The following TMEM272 variants were observed in gnomAD, a reference collection of about 807,000 sequenced individuals.
TMEM272 encodes the protein transmembrane protein 272, also known as long intergenic non-protein coding RNA 282.
TMEM272 carries 8 observed loss-of-function variants against 3.7 expected under a neutral mutation model. The observed-to-expected ratio is 2.17, with a 90% CI of 1.27 to 3.91. TMEM272 has a LOEUF of 3.91. Ranked by LOEUF, TMEM272 falls within the 30% of genes most tolerant of loss-of-function variation. The pLI is 0.00. For missense variants in TMEM272, 166 were observed against 91.5 expected (o/e 1.81, Z -3.32); for synonymous variants, 63 against 39.8 (o/e 1.58, Z -2.20).
the TMEM272 span, among the ~76,000 whole-genome samples, chr13:51,920,264 G>A: frequency 6.6e-6 from 1 of 152,176 alleles, no homozygotes; most frequent in Non-Finnish European, 1.5e-5. Flanking sequence ...TTTTCCAGAT[G>A]AAGGGAACTA....
At chr13:51,899,778 T>C in the TMEM272 span, among the ~76,000 whole-genome samples, 5 of 152,246 alleles carry the variant, frequency 3.3e-5, no homozygotes, top group East Asian at 9.6e-4. Flanking sequence ...CGCATGGCAC[T>C]AGAAAAGGCT....
chr13:51,930,562 A>T, the TMEM272 span: 2 of 152,354 alleles, frequency 1.3e-5, no homozygotes, highest in African/African-American at 4.8e-5. Context: ...ACATCAAGGT[A>T]ATCTGCAAAG....
At chr13:51,926,318 C>T in the TMEM272 span, among the ~76,000 whole-genome samples, 1 of 152,162 alleles carries the variant, frequency 6.6e-6, no homozygotes, top group African/African-American at 2.4e-5. Flanking sequence ...CTTTTCTCTT[C>T]CTCACTCACT....
the TMEM272 span, among the ~76,000 whole-genome samples, chr13:51,881,982 T>A: frequency 6.6e-6 from 1 of 152,238 alleles, no homozygotes; most frequent in Non-Finnish European, 1.5e-5. Context: ...TAGCATTTAA[T>A]CTATTTTCTA....
intron 4 of TMEM272, 126 bp from the exon 5 acceptor site, chr13:51,817,239 T>C: frequency 1.7e-6 from 1 of 595,564 alleles, no homozygotes; most frequent in Non-Finnish European, 3.0e-6. Context: ...AGGAAGGTGT[T>C]ATGAAAAGTG....
chr13:51,816,803 C>A lies in TMEM272; in HGVS notation c.512G>T (p.Ser171Ile), dbSNP rs1416033505. Residue 171 changes from serine to isoleucine, a missense_variant, in exon 5 of 5, where the codon AGC becomes ATC. Physicochemically the swap from Ser to Ile is moderately radical, Grantham distance 142. Coordinates refer to ENST00000629372, the MANE Select transcript of TMEM272 (RefSeq NM_001351003.2). ...CCTGGAGCACAGGTAGACACAGCCG[C>A]TGCACAGCAGGAGCAAGACCAGCAC... ...HTVLVLLLLC[S>I]GCVYLCSRWR... 2.8e-6 allele frequency: 2 copies of A among 702,988 alleles called. No homozygotes were observed. Among genetic ancestry groups the A allele is most frequent in the Non-Finnish European group, 5.2e-6 (2 of 384,972 alleles). 43.5% of individuals were successfully genotyped at this position (702,988 alleles called of 1,614,324 possible).
chr13:51,858,984 G>A, the TMEM272 span, among the ~76,000 whole-genome samples: 5 of 152,170 alleles, frequency 3.3e-5, no homozygotes, highest in East Asian at 9.7e-4. Context: ...AAAGAAGAAC[G>A]GTTAAAAACC....
chr13:51,934,217 C>T, the TMEM272 span: 1 of 205,598 alleles, frequency 4.9e-6, no homozygotes, highest in Admixed American at 5.2e-5. Flanking sequence ...CTGACAAGCA[C>T]ACAGGAGAGA....
At chr13:51,908,205 A>C in the TMEM272 span, 2 of 703,586 alleles carry the variant, frequency 2.8e-6, no homozygotes, top group Non-Finnish European at 2.5e-6. Flanking sequence ...AGACAGCAAA[A>C]ATATTATCAG....
the TMEM272 span, among the ~76,000 whole-genome samples, chr13:51,896,278 A>G: frequency 2.0e-5 from 3 of 152,178 alleles, no homozygotes; most frequent in African/African-American, 4.8e-5. Context: ...AATATAAAAG[A>G]TTTTCAAAGC....
chr13:51,869,935 C>T, the TMEM272 span, among the ~76,000 whole-genome samples: 2 of 152,184 alleles, frequency 1.3e-5, no homozygotes, highest in Non-Finnish European at 2.9e-5. Flanking sequence ...GGTTCGGATC[C>T]TTCCGAGGTA....
At chr13:51,821,334 G>C (rs971458136) in intron 4 of TMEM272, among the ~76,000 whole-genome samples, 2 of 152,174 alleles carry the variant, frequency 1.3e-5, no homozygotes, top group African/African-American at 4.8e-5. Flanking sequence ...AGCTTCTCTT[G>C]GTAGGTGTAA....
chr13:51,874,152 G>A, the TMEM272 span, among the ~76,000 whole-genome samples: 2 of 152,220 alleles, frequency 1.3e-5, no homozygotes, highest in African/African-American at 2.4e-5. Context: ...ACAGTAGTGT[G>A]AGCCAGAGCC....
chr13:51,926,631 TTGTGGG>T, the TMEM272 span, among the ~76,000 whole-genome samples: 1,777 of 146,854 alleles, frequency 0.012, 16 homozygotes, highest in South Asian at 0.028. Context: ...TGGGGCGGGT[TTGTGGG>T]TGTGGGTGTG....
the TMEM272 span, among the ~76,000 whole-genome samples, chr13:51,887,459 G>A: frequency 6.6e-6 from 1 of 152,194 alleles, no homozygotes; most frequent in African/African-American, 2.4e-5. Flanking sequence ...AAAATAAAAG[G>A]AGATGATATT....
chr13:51,816,716 C>T lies in TMEM272; in HGVS notation c.*35G>A, dbSNP rs1344633086. ...GTGTGCACGCGCGTGCATGCACACG[C>T]ATATGCATACATGGTATGCTGGACA... On this transcript the variant is annotated 3_prime_UTR_variant, in exon 5 of 5. Coordinates refer to ENST00000629372, the MANE Select transcript of TMEM272 (RefSeq NM_001351003.2). 1 of 675,840 alleles carries T rather than the reference C, an allele frequency of 1.5e-6. No individual in the cohort carries two copies. The highest frequency in any genetic ancestry group is 2.7e-4 in the Middle Eastern group (1 of 3,678). The allele number at this position is 675,840 out of a possible 1,614,324, so 41.9% of individuals were successfully genotyped here. A position where few individuals can be genotyped will look rare whatever the true frequency, so the allele number is the denominator to read the frequency against.
the TMEM272 span, among the ~76,000 whole-genome samples, chr13:51,928,567 C>T: frequency 6.6e-6 from 1 of 152,224 alleles, no homozygotes; most frequent in Non-Finnish European, 1.5e-5. Flanking sequence ...CCTGTGACCA[C>T]TGCGTACCTT....
At chr13:51,909,703 T>C in the TMEM272 span, 15 of 1,553,818 alleles carry the variant, frequency 9.7e-6, no homozygotes, top group Non-Finnish European at 1.2e-5. Flanking sequence ...TTTGGAGGAT[T>C]ATCTAAGTAA....
chr13:51,919,325 C>T, the TMEM272 span, among the ~76,000 whole-genome samples: 1 of 152,118 alleles, frequency 6.6e-6, no homozygotes, highest in Non-Finnish European at 1.5e-5. Flanking sequence ...CCAGATTTAA[C>T]CAGTGCTGAC....
Sources: allele counts gnomAD v4.1 joint callset (sites outside exome capture counted in the v4.1 genomes callset), GRCh38; gene constraint gnomAD v4.1.1; transcripts MANE v1.5; gene names NCBI Gene and HGNC (gene_info 2026-07-23, HGNC 2026-07-21).